The following CSNK1G3 variants were observed in gnomAD, a reference collection of about 807,000 sequenced individuals.
The protein encoded by CSNK1G3 is casein kinase 1 gamma 3.
A neutral mutation model predicts 64.3 loss-of-function variants in CSNK1G3; 23 were observed. The observed-to-expected ratio is 0.36, with a 90% CI of 0.26 to 0.51. CSNK1G3 has a LOEUF of 0.51. Ranked by LOEUF, CSNK1G3 falls within the 20% of genes least tolerant of loss-of-function variation. The probability of loss-of-function intolerance (pLI) is 0.96; values close to 1 mark genes in which losing one functional copy is unlikely to be tolerated. For missense variants in CSNK1G3, 357 were observed against 510.5 expected, an observed-to-expected ratio of 0.70 and a Z score of 2.90; for synonymous variants, 158 against 162.2, an observed-to-expected ratio of 0.97 and a Z score of 0.20.
chr5:123,561,196 C>T (rs970328932), intron 4 of CSNK1G3, among the ~76,000 whole-genome samples: 1 of 152,108 alleles, frequency 6.6e-6, no homozygotes, highest in South Asian at 2.1e-4. Context: ...ACCATTATCA[C>T]TCTCTGGGAT....
chr5:123,591,355 C>G (rs1230888972), exon 10 of CSNK1G3: 11 of 1,610,068 alleles, frequency 6.8e-6, no homozygotes, highest in Non-Finnish European at 8.5e-6. Flanking sequence ...AGATCCTGCT[C>G]TGTCATCAAA....
At chr5:123,531,784 G>A (rs1437547406) in intron 1 of CSNK1G3, among the ~76,000 whole-genome samples, 1 of 151,852 alleles carries the variant, frequency 6.6e-6, no homozygotes, top group Middle Eastern at 3.2e-3. Context: ...ATTTTTAGTA[G>A]TAGATGGATT....
At chr5:123,599,932 T>C (rs1051781795) in intron 10 of CSNK1G3, among the ~76,000 whole-genome samples, 1 of 152,126 alleles carries the variant, frequency 6.6e-6, no homozygotes, top group African/African-American at 2.4e-5. Flanking sequence ...TTATCCTAAG[T>C]GAAAGTTAAT....
chr5:123,533,734 T>G (rs1580950470), intron 1 of CSNK1G3, among the ~76,000 whole-genome samples: 1 of 151,882 alleles, frequency 6.6e-6, no homozygotes, highest in East Asian at 1.9e-4. Context: ...TGGGGGCTAA[T>G]TGTTTCAATT....
intron 10 of CSNK1G3, among the ~76,000 whole-genome samples, chr5:123,597,542 A>C (rs1793661084): frequency 6.6e-6 from 1 of 152,084 alleles, no homozygotes; most frequent in African/African-American, 2.4e-5. Flanking sequence ...AAATCATTCC[A>C]GGCTGTTTAG....
intron 4 of CSNK1G3, among the ~76,000 whole-genome samples, chr5:123,570,167 A>G (rs1416007870): frequency 6.6e-6 from 1 of 152,160 alleles, no homozygotes; most frequent in African/African-American, 2.4e-5. Flanking sequence ...AGACAGTGAA[A>G]TTCCTTAAAT....
intron 1 of CSNK1G3, among the ~76,000 whole-genome samples, chr5:123,517,606 T>C (rs1009304305): frequency 2.0e-5 from 3 of 152,178 alleles, no homozygotes; most frequent in African/African-American, 7.2e-5. Flanking sequence ...TCTTTCTGTG[T>C]TTAAGAAACA....
intron 6 of CSNK1G3, among the ~76,000 whole-genome samples, chr5:123,587,049 C>G (rs781650584): frequency 6.6e-6 from 1 of 152,144 alleles, no homozygotes; most frequent in Non-Finnish European, 1.5e-5. Flanking sequence ...TCAATTACCT[C>G]CCACTGAGTC....
intron 4 of CSNK1G3, among the ~76,000 whole-genome samples, chr5:123,565,578 T>C (rs541076707): frequency 1.3e-5 from 2 of 152,356 alleles, no homozygotes; most frequent in South Asian, 4.1e-4. Context: ...ATTCTTCTTA[T>C]TTGTGTTAGG....
chr5:123,605,294 C>T, intron 11 of CSNK1G3, 45 bp from the exon 13 acceptor site: 1 of 1,539,950 alleles, frequency 6.5e-7, no homozygotes, highest in Non-Finnish European at 8.8e-7. Flanking sequence ...GATTCTCTCT[C>T]TCTCTTTTTT....
intron 1 of CSNK1G3, among the ~76,000 whole-genome samples, chr5:123,528,120 G>C (rs907380980): frequency 3.9e-5 from 6 of 152,076 alleles, no homozygotes; most frequent in African/African-American, 1.4e-4. Context: ...GACTCAAGTG[G>C]AATTTAGAGG....
intron 4 of CSNK1G3, among the ~76,000 whole-genome samples, chr5:123,564,290 G>C (rs1322026195): frequency 6.6e-6 from 1 of 151,960 alleles, no homozygotes; most frequent in Non-Finnish European, 1.5e-5. Flanking sequence ...GTTGTGTGTG[G>C]TGTGGTTATT....
At chr5:123,572,471 A>G (rs1242887085) in intron 4 of CSNK1G3, among the ~76,000 whole-genome samples, 1 of 152,188 alleles carries the variant, frequency 6.6e-6, no homozygotes, top group African/African-American at 2.4e-5. Flanking sequence ...AGACTTTATT[A>G]TCTCACAATT....
At chr5:123,545,102 C>T (rs1782308009) in intron 1 of CSNK1G3, among the ~76,000 whole-genome samples, 1 of 151,784 alleles carries the variant, frequency 6.6e-6, no homozygotes, top group Non-Finnish European at 1.5e-5. Flanking sequence ...TTTTTGAGTA[C>T]TTTTTGTCTA....
At chr5:123,586,311 T>C (rs957058803) in intron 6 of CSNK1G3, among the ~76,000 whole-genome samples, 1 of 152,164 alleles carries the variant, frequency 6.6e-6, no homozygotes, top group Admixed American at 6.5e-5. Context: ...GCATTAGAAA[T>C]GCCTCTTGAT....
chr5:123,602,222 G>A (rs1367004176), intron 10 of CSNK1G3, among the ~76,000 whole-genome samples: 2 of 152,166 alleles, frequency 1.3e-5, no homozygotes, highest in Admixed American at 1.3e-4. Context: ...CACAACTGCA[G>A]TGTTCATTTC....
intron 5 of CSNK1G3, among the ~76,000 whole-genome samples, chr5:123,575,089 A>G (rs1008391293): frequency 2.0e-5 from 3 of 152,188 alleles, no homozygotes; most frequent in Non-Finnish European, 4.4e-5. Context: ...AGTTTGTACA[A>G]TGAACATTGA....
At chr5:123,544,889 C>G (rs1387006397) in intron 1 of CSNK1G3, among the ~76,000 whole-genome samples, 1 of 151,962 alleles carries the variant, frequency 6.6e-6, no homozygotes, top group African/African-American at 2.4e-5. Flanking sequence ...TTGATATTGT[C>G]AGTTCTATGC....
intron 4 of CSNK1G3, among the ~76,000 whole-genome samples, chr5:123,568,162 A>G (rs759699456): frequency 3.3e-5 from 5 of 152,170 alleles, no homozygotes; most frequent in Non-Finnish European, 5.9e-5. Flanking sequence ...CTGTTGATCA[A>G]TGCCAGCTGC....
Sources: allele counts gnomAD v4.1 joint callset (sites outside exome capture counted in the v4.1 genomes callset), GRCh38; gene constraint gnomAD v4.1.1; transcripts MANE v1.5; gene names NCBI Gene and HGNC (gene_info 2026-07-23, HGNC 2026-07-21).